FKBP4: variants seen among roughly 807,000 people sequenced by gnomAD.
FKBP4 encodes FKBP prolyl isomerase 4.
Under a neutral mutation model 54.1 loss-of-function variants are expected in FKBP4, and 28 were observed. The observed-to-expected ratio is 0.52, with a 90% CI of 0.38 to 0.71. The LOEUF (loss-of-function observed/expected upper bound fraction) is 0.71, where lower values mean the gene tolerates loss of function less well. Ranked by LOEUF, FKBP4 falls within the 30% of genes least tolerant of loss-of-function variation. The pLI is 0.00. For missense variants in FKBP4, 493 were observed against 574.4 expected, an observed-to-expected ratio of 0.86 and a Z score of 1.45; for synonymous variants, 223 against 216.1, an observed-to-expected ratio of 1.03 and a Z score of -0.28.
rs1175079526 is a variant in FKBP4, at chr12:2,796,602, C to T, written c.106-536C>T. The T allele has an allele frequency of 5.1e-6, 6 of 1,167,374 alleles. No individual in the cohort carries two copies. The African/African-American group carries it at 8.0e-5, about 16-fold the overall frequency. 72.3% of individuals were successfully genotyped at this position (1,167,374 alleles called of 1,614,324 possible). On this transcript the variant is annotated intron_variant, in intron 1 of 9. Coordinates refer to ENST00000001008, the MANE Select transcript of FKBP4 (RefSeq NM_002014.4). ...GTCCCATGGAGAGCCTCCGGGTTCA[C>T]CTATAACCTGGTTTCTTCCTTACCT... is the stretch of plus-strand genomic sequence containing the variant.
intron 3 of FKBP4, 71 bp downstream of exon 3, chr12:2,797,942 C>T: frequency 6.5e-7 from 1 of 1,536,008 alleles, no homozygotes; most frequent in Non-Finnish European, 8.9e-7. Flanking sequence ...GGCTGCCCTC[C>T]AGCCCTTCCT....
In FKBP4 at chr12:2,796,850, A is replaced by T. The variant is rs911657339; in HGVS notation, c.106-288A>T. 9.1e-6 allele frequency: 11 copies of T among 1,206,056 alleles called. No homozygotes were observed. The African/African-American group carries it at 1.7e-4, about 19-fold the overall frequency. 74.7% of individuals were successfully genotyped at this position (1,206,056 alleles called of 1,614,324 possible). ...GGATTATCATCACTGCTTTACAAATAAAGTGTGGAGAATTTTAAAAACTTA... is the reference window on the plus strand; with the variant it reads ...GGATTATCATCACTGCTTTACAAATTAAGTGTGGAGAATTTTAAAAACTTA... On this transcript the variant is annotated intron_variant, in intron 1 of 9. Transcript: ENST00000001008.
Position 2,801,070 on chromosome 12 carries a change from A to G in FKBP4, c.1033-47A>G, listed in dbSNP as rs757245038. 7 of 1,608,340 alleles carry G rather than the reference A, an allele frequency of 4.4e-6. No homozygotes were observed. The Admixed American group carries it at 6.7e-5, about 15-fold the overall frequency. On this transcript the variant is annotated intron_variant, in intron 8 of 9. Coordinates refer to ENST00000001008, the MANE Select transcript of FKBP4 (RefSeq NM_002014.4). ...GAACCCAGTCTAGGCCAGATGAGCT[A>G]CAAGCCCTGAGCTCCCACAATGTGG...
chr12:2,796,668 G>A, intron 1 of FKBP4: 1 of 1,087,862 alleles, frequency 9.2e-7, no homozygotes, highest in Non-Finnish European at 1.1e-6. Context: ...TACTCCTCTC[G>A]CTCTCCTGTC....
At chr12:2,797,080 C>T in intron 1 of FKBP4, 58 bp from the exon 2 acceptor site, 1 of 1,603,722 alleles carries the variant, frequency 6.2e-7, no homozygotes, top group Non-Finnish European at 8.5e-7. Flanking sequence ...GCAGGCAGTG[C>T]TGGTGCCCCT....
In FKBP4 at chr12:2,798,634, G is replaced by T; in HGVS notation, c.394-72G>T. On this transcript the variant is annotated intron_variant, in intron 3 of 9. Coordinates refer to ENST00000001008, the MANE Select transcript of FKBP4 (RefSeq NM_002014.4). This position sits in a 1 kb window ranked among gnomAD's most constrained non-coding sequence, Gnocchi z 4.3. ...CCTGGCAGTTAGTAGGGACTCTCTCGGATGAGAAAGATTGTGTTTCACTGC... is the reference window on the plus strand; with the variant it reads ...CCTGGCAGTTAGTAGGGACTCTCTCTGATGAGAAAGATTGTGTTTCACTGC... The T allele has an allele frequency of 1.2e-6, 2 of 1,605,786 alleles. No individual in the cohort carries two copies. Among genetic ancestry groups the T allele is most frequent in the Non-Finnish European group, 1.7e-6 (2 of 1,175,802 alleles).
At chr12:2,799,271 G>A (rs2153919848) in intron 5 of FKBP4, 27 bp downstream of exon 5, 2 of 1,465,206 alleles carry the variant, frequency 1.4e-6, no homozygotes, top group East Asian at 4.9e-5. Flanking sequence ...TCGTAGGGTA[G>A]GCAGGCAGGC....
At position 2,797,782 on chromosome 12, in the gene FKBP4, G is replaced by A; in HGVS notation, c.304G>A (p.Val102Met). 3 of 1,613,990 alleles carry A rather than the reference G, an allele frequency of 1.9e-6. No homozygotes were observed. The highest frequency in any genetic ancestry group is 2.5e-6 in the Non-Finnish European group (3 of 1,179,930). ...CATAGCCACCATGAAGGTGGGGGAG[G>A]TGTGCCACATCACCTGCAAACCAGA... ...IAIATMKVGE[V>M]CHITCKPEYA... is the part of the protein sequence containing the mutation. Residue 102 changes from valine to methionine, a missense_variant, in exon 3 of 10, where the codon GTG becomes ATG. Physicochemically the swap from Val to Met is conservative, Grantham distance 21 (BLOSUM62 1). Transcript: ENST00000001008.
intron 9 of FKBP4, among the ~76,000 whole-genome samples, chr12:2,802,545 T>A (rs1249767030): frequency 6.6e-6 from 1 of 152,236 alleles, no homozygotes; most frequent in Non-Finnish European, 1.5e-5. Context: ...CAAATGGAAT[T>A]AAATTTTAGT....
At position 2,797,664 on chromosome 12, in the gene FKBP4, G is replaced by A. The variant is rs984472540; in HGVS notation, c.251-65G>A. On this transcript the variant is annotated intron_variant, in intron 2 of 9. Coordinates refer to ENST00000001008, the MANE Select transcript of FKBP4 (RefSeq NM_002014.4). ...TGAGTGTGGTGCAGTAACTCTTCAG[G>A]AGCACTGTTTGAGCCCAGAATCAGA... The A allele has an allele frequency of 5.2e-6, 8 of 1,544,870 alleles. No homozygotes were observed. In the East Asian group the frequency reaches 1.1e-4, roughly 22 times the overall value.
chr12:2,797,702 C>T (rs769746843), intron 2 of FKBP4, 27 bp from the exon 3 acceptor site: 16 of 1,597,562 alleles, frequency 1.0e-5, no homozygotes, highest in Non-Finnish European at 1.2e-5. Context: ...CCTGCTAAGG[C>T]GGTCCTGTTT....
chr12:2,798,294 T>C lies in FKBP4; in HGVS notation c.394-412T>C, dbSNP rs924825218. 2.6e-5 allele frequency among the ~76,000 whole-genome samples: 4 copies of C among 152,202 alleles called. No individual in the cohort carries two copies. The highest frequency in any genetic ancestry group is 4.4e-5 in the Non-Finnish European group (3 of 68,028). ...TTCACTGAGGAGATAGAACTTGACA[T>C]TGTTCAATCTGAAAATGGTTGAGCC... On this transcript the variant is annotated intron_variant, in intron 3 of 9. Coordinates refer to ENST00000001008, the MANE Select transcript of FKBP4 (RefSeq NM_002014.4). This position sits in a 1 kb window ranked among gnomAD's most constrained non-coding sequence, Gnocchi z 4.3.
At chr12:2,800,931 C>G (rs1204966709) in intron 8 of FKBP4, among the ~76,000 whole-genome samples, 186 bp from the exon 9 acceptor site, 2 of 149,410 alleles carry the variant, frequency 1.3e-5, no homozygotes, top group African/African-American at 5.0e-5. Context: ...CCCTCTCTGC[C>G]TGTTGGATTA....
chr12:2,800,398 A>AAATACAAGC lies in FKBP4; in HGVS notation c.856_864dup (p.Tyr286_Gln288dup). ...AGCCTCTCTCCCATTCCAGGAAGGT[A>AAATACAAGC]AATACAAGCAAGCTTTACTACAGTA... On this transcript the variant is annotated inframe_insertion, in exon 8 of 10. Transcript: ENST00000001008. 2 of 1,610,320 alleles carry AAATACAAGC rather than the reference A, an allele frequency of 1.2e-6. No individual in the cohort carries two copies. Among genetic ancestry groups the AAATACAAGC allele is most frequent in the Non-Finnish European group, 1.7e-6 (2 of 1,178,000 alleles).
At chr12:2,802,906 T>A (rs931649620) in intron 9 of FKBP4, among the ~76,000 whole-genome samples, 1 of 152,072 alleles carries the variant, frequency 6.6e-6, no homozygotes, top group Non-Finnish European at 1.5e-5. Flanking sequence ...TTTTGTAATT[T>A]TTGTTGAGAT....
chr12:2,802,718 T>C (rs897286591), intron 9 of FKBP4, among the ~76,000 whole-genome samples: 6 of 152,246 alleles, frequency 3.9e-5, no homozygotes, highest in Non-Finnish European at 7.4e-5. Context: ...TTTGTACATA[T>C]ACAAGTGTTC....
rs1349979584 is a variant in FKBP4, at chr12:2,798,058, G to C, written c.393+187G>C. ...AATGGAAGTAATAGAAGCTTCGGGT[G>C]GGAAGAGGCAGGCACAAGCCCCTCT... On this transcript the variant is annotated intron_variant, in intron 3 of 9. Transcript: ENST00000001008. The surrounding 1 kb of genome is among the most constrained non-coding windows in gnomAD (Gnocchi z 4.3). Among the ~76,000 whole-genome samples the C allele has an allele frequency of 6.6e-6, 1 of 152,234 alleles. No homozygotes were observed. Among genetic ancestry groups the C allele is most frequent in the Non-Finnish European group, 1.5e-5 (1 of 68,050 alleles).
rs2097903323 is a variant in FKBP4 at position 2,798,924 on chromosome 12, G to C, written c.514+98G>C. 6.8e-7 allele frequency: 1 copy of C among 1,463,664 alleles called. No homozygotes were observed. Among genetic ancestry groups the C allele is most frequent in the African/African-American group, 1.4e-5 (1 of 71,800 alleles). The allele number at this position is 1,463,664 out of a possible 1,614,324, so 90.7% of individuals were successfully genotyped here. On this transcript the variant is annotated intron_variant, in intron 4 of 9. Coordinates refer to ENST00000001008, the MANE Select transcript of FKBP4 (RefSeq NM_002014.4). This position sits in a 1 kb window ranked among gnomAD's most constrained non-coding sequence, Gnocchi z 4.3. ...TTCCGTTCTCCGAGCCTATCTTCTT[G>C]TCCATAAAATGAGGGGTTGGACCAT...
chr12:2,799,069 T>C lies in FKBP4; in HGVS notation c.515-19T>C. The C allele has an allele frequency of 2.0e-6, 3 of 1,523,158 alleles. No homozygotes were observed. The highest frequency in any genetic ancestry group is 2.6e-6 in the Non-Finnish European group (3 of 1,135,694). The allele number at this position is 1,523,158 out of a possible 1,614,324, so 94.4% of individuals were successfully genotyped here. On this transcript the variant is annotated intron_variant, in intron 4 of 9. Coordinates refer to ENST00000001008, the MANE Select transcript of FKBP4 (RefSeq NM_002014.4). The stretch of plus-strand genomic sequence containing the variant: ...CTGCCCTCTTACAACTCTGGTACAC[T>C]GCCTCTCTTTCATGCCAGTTGCACT...
Sources: gnomAD v4.1 joint callset for allele counts (sites outside exome capture counted in the v4.1 genomes callset) on GRCh38, gnomAD v4.1.1 for gene constraint, Gnocchi (gnomAD v3.1) non-coding constraint, MANE v1.5 for transcripts, NCBI Gene and HGNC (gene_info 2026-07-23, HGNC 2026-07-21) for gene names.